The following DOCK9 variants were observed in gnomAD, a reference collection of about 807,000 sequenced individuals.
DOCK9 encodes dedicator of cytokinesis 9, also known as dedicator of cytokinesis protein 9.
Under a neutral mutation model 263.3 loss-of-function variants are expected in DOCK9, and 89 were observed. That is an observed-to-expected ratio of 0.34 (90% confidence interval 0.28 to 0.40). The LOEUF is 0.40. DOCK9 is among the 10% of genes least tolerant of loss of function. The pLI is 1.00. For missense variants in DOCK9, 2,140 were observed against 2,603.4 expected (o/e 0.82, Z 3.87); for synonymous variants, 976 against 973.1 (o/e 1.00, Z -0.06).
intron 18 of DOCK9, among the ~76,000 whole-genome samples, chr13:98,887,143 A>ATTTTTTTTTTTTTTTTTTTTTTTTTTTT (rs58434344): frequency 4.2e-5 from 4 of 95,294 alleles, no homozygotes; most frequent in Non-Finnish European, 6.0e-5. Flanking sequence ...ATATATATAT[A>ATTTTTTTTTTTTTTTTTTTTTTTTTTTT]TTTTTTTTTT....
intron 15 of DOCK9, among the ~76,000 whole-genome samples, chr13:98,894,879 C>T (rs1022452214): frequency 5.3e-5 from 7 of 131,652 alleles, no homozygotes; most frequent in Admixed American, 2.8e-4. Flanking sequence ...GAAGCTGAGG[C>T]GGGCAGATTG....
intron 1 of DOCK9, among the ~76,000 whole-genome samples, chr13:99,073,212 A>T (rs1041108527): frequency 6.6e-6 from 1 of 152,114 alleles, no homozygotes; most frequent in African/African-American, 2.4e-5. Context: ...CCCACCCTGC[A>T]TATCCTACCC....
At chr13:98,982,521 G>A (rs1282275959), upstream of DOCK9, among the ~76,000 whole-genome samples, 7 of 152,216 alleles carry the variant, frequency 4.6e-5, no homozygotes, top group African/African-American at 1.4e-4. Flanking sequence ...AGTTTGCCCC[G>A]GTAGAAGAAC....
intron 52 of DOCK9, 128 bp from the exon 53 acceptor site, chr13:98,794,876 C>A (rs192632528): frequency 5.3e-6 from 5 of 938,434 alleles, no homozygotes; most frequent in Non-Finnish European, 6.6e-6. Context: ...AATGTTGCCA[C>A]GTGCAACACA....
intron 8 of DOCK9, 41 bp downstream of exon 8, chr13:98,915,288 A>G (rs1200329717): frequency 6.3e-7 from 1 of 1,592,810 alleles, no homozygotes; most frequent in Non-Finnish European, 8.5e-7. Context: ...AAAGACACCC[A>G]CAGAGTGTGT....
chr13:99,002,732 C>T (rs1314845693), intron 1 of DOCK9, among the ~76,000 whole-genome samples: 4 of 152,212 alleles, frequency 2.6e-5, no homozygotes, highest in Non-Finnish European at 5.9e-5. Flanking sequence ...CCTGACTTCA[C>T]CTTTCTGCTA....
chr13:99,070,012 A>G (rs1342935058), intron 1 of DOCK9, among the ~76,000 whole-genome samples: 1 of 152,246 alleles, frequency 6.6e-6, no homozygotes, highest in Non-Finnish European at 1.5e-5. Context: ...GGCCAAAGAT[A>G]GACTTTTTTT....
intron 15 of DOCK9, among the ~76,000 whole-genome samples, chr13:98,891,180 C>T (rs1005367169): frequency 2.0e-5 from 3 of 152,148 alleles, no homozygotes; most frequent in Non-Finnish European, 2.9e-5. Flanking sequence ...CTCCCAAGCT[C>T]TGGGCACTCC....
chr13:98,896,707 A>T (rs1259422267), intron 15 of DOCK9, among the ~76,000 whole-genome samples: 2 of 152,194 alleles, frequency 1.3e-5, no homozygotes, highest in East Asian at 1.9e-4. Context: ...CATAGAGGTT[A>T]AGAACACAGA....
intron 50 of DOCK9, among the ~76,000 whole-genome samples, chr13:98,798,097 C>A (rs1224934841): frequency 6.6e-6 from 1 of 152,154 alleles, no homozygotes; most frequent in Non-Finnish European, 1.5e-5. Context: ...ACCACCCTTG[C>A]AAGCAGCTAA....
At chr13:98,833,212 A>AG in intron 39 of DOCK9, 1 of 123,052 alleles carries the variant, frequency 8.1e-6, no homozygotes. Context: ...ACCAAAAAAA[A>AG]AAAAAAAAAA....
At chr13:99,039,654 C>T (rs1219407469) in intron 1 of DOCK9, among the ~76,000 whole-genome samples, 1 of 152,210 alleles carries the variant, frequency 6.6e-6, no homozygotes, top group Non-Finnish European at 1.5e-5. Flanking sequence ...GGATCTCTGT[C>T]TAGCAGAGAT....
At chr13:98,846,790 A>G (rs1759799651) in intron 37 of DOCK9, 1 of 357,212 alleles carries the variant, frequency 2.8e-6, no homozygotes, top group South Asian at 2.1e-5. Context: ...TCAAAGTGAC[A>G]ATAAGAAGGC....
At chr13:99,045,067 A>G (rs144969081) in intron 1 of DOCK9, among the ~76,000 whole-genome samples, 327 of 152,332 alleles carry the variant, frequency 2.1e-3, no homozygotes, top group African/African-American at 7.2e-3. Flanking sequence ...GGGACTGTAA[A>G]TTAGTGAAGC....
chr13:98,882,103 C>T (rs2044867145), intron 23 of DOCK9, 96 bp from the exon 24 acceptor site: 2 of 1,034,186 alleles, frequency 1.9e-6, no homozygotes, highest in South Asian at 2.9e-5. Flanking sequence ...GAAGAACTCC[C>T]TCTAAAACAA....
intron 1 of DOCK9, among the ~76,000 whole-genome samples, chr13:99,021,638 C>CAAA (rs61660903): frequency 9.8e-6 from 1 of 101,570 alleles, no homozygotes; most frequent in Non-Finnish European, 2.0e-5. Context: ...GACTCTGTCT[C>CAAA]AAAAAAAAAA....
rs749137654 is a variant in DOCK9 at position 98,800,369 on chromosome 13, C to A, written c.5835G>T (p.Ala1945=). Residue 1945 remains alanine (A), a synonymous_variant, in exon 50 of 53, where the codon GCG becomes GCT. Transcript: ENST00000682017. ...CCGAGGAGCACAGCTGCCGGAGCTC[C>A]GCCACCTTCTTACTCATCTCGTCAA... ...VAIDEMSKKV[A]ELRQLCSSAE... is the part of the protein sequence containing the mutation. 118 of 1,613,772 alleles carry A rather than the reference C, an allele frequency of 7.3e-5. No homozygotes were observed. In the South Asian group the frequency reaches 1.2e-3, roughly 16 times the overall value.
intron 1 of DOCK9, among the ~76,000 whole-genome samples, chr13:99,008,496 A>C (rs1006073266): frequency 6.6e-6 from 1 of 152,058 alleles, no homozygotes; most frequent in Non-Finnish European, 1.5e-5. Flanking sequence ...GACCTCCCAA[A>C]GTGCTGGGAT....
chr13:98,870,889 A>G (rs2094167103), intron 27 of DOCK9, among the ~76,000 whole-genome samples: 1 of 126,504 alleles, frequency 7.9e-6, no homozygotes, highest in Non-Finnish European at 1.7e-5. Flanking sequence ...TCTTCAACAA[A>G]TATGTTGCCA....
Sources: allele counts gnomAD v4.1 joint callset (sites outside exome capture counted in the v4.1 genomes callset), GRCh38; gene constraint gnomAD v4.1.1; transcripts MANE v1.5; gene names NCBI Gene and HGNC (gene_info 2026-07-23, HGNC 2026-07-21).